ZW10: variants seen among roughly 807,000 people sequenced by gnomAD.
The protein encoded by ZW10 is centromere/kinetochore protein zw10 homolog.
Under a neutral mutation model 87.8 loss-of-function variants are expected in ZW10, and 53 were observed. The observed-to-expected ratio is 0.60, with a 90% confidence interval of 0.48 to 0.76. The LOEUF (loss-of-function observed/expected upper bound fraction) is 0.76. Among genes scored for constraint, ZW10 ranks in the 30% least tolerant of loss-of-function variants. The probability of loss-of-function intolerance (pLI) is 0.00; values close to 1 mark genes in which losing one functional copy is unlikely to be tolerated. For missense variants in ZW10, 837 were observed against 923.0 expected, an observed-to-expected ratio of 0.91 and a Z score of 1.21; for synonymous variants, 312 against 329.2, an observed-to-expected ratio of 0.95 and a Z score of 0.57.
At chr11:113,740,540 C>T (rs755862240) in intron 11 of ZW10, among the ~76,000 whole-genome samples, 72 of 152,284 alleles carry the variant, frequency 4.7e-4, no homozygotes, top group Non-Finnish European at 7.1e-4. Flanking sequence ...GCCATGATTG[C>T]ACCACTGCAC....
intron 3 of ZW10, 49 bp downstream of exon 3, chr11:113,760,768 G>A (rs1953850562): frequency 2.7e-6 from 4 of 1,460,492 alleles, no homozygotes; most frequent in South Asian, 1.1e-5. Context: ...ATTGACTAAT[G>A]AGACCTTCCC....
chr11:113,757,281 A>T (rs900989990), intron 7 of ZW10, among the ~76,000 whole-genome samples: 4 of 152,234 alleles, frequency 2.6e-5, no homozygotes, highest in Admixed American at 2.0e-4. Flanking sequence ...GTTATATCAG[A>T]TTAATAGAGG....
intron 10 of ZW10, among the ~76,000 whole-genome samples, chr11:113,743,008 A>C (rs2134870979): frequency 6.6e-6 from 1 of 152,308 alleles, no homozygotes; most frequent in African/African-American, 2.4e-5. Context: ...CAAACTAAAG[A>C]AGCTTTTATA....
chr11:113,736,510 G>C (rs1447166891), intron 15 of ZW10, 110 bp downstream of exon 15: 1 of 1,092,620 alleles, frequency 9.2e-7, no homozygotes, highest in Non-Finnish European at 1.4e-6. Context: ...CAATATGAAA[G>C]TCTTGCATGA....
chr11:113,736,068 C>T (rs1008961173), intron 15 of ZW10, among the ~76,000 whole-genome samples: 2 of 151,732 alleles, frequency 1.3e-5, no homozygotes, highest in Admixed American at 6.6e-5. Context: ...AGAGAAACCT[C>T]GTCTCTAAAA....
At chr11:113,761,192 T>C (rs116504528) in intron 2 of ZW10, among the ~76,000 whole-genome samples, 1,617 of 152,304 alleles carry the variant, frequency 0.011, 34 homozygotes, top group African/African-American at 0.038. Context: ...GTATCTTTCA[T>C]CAGAGAGCTC....
intron 8 of ZW10, among the ~76,000 whole-genome samples, chr11:113,748,025 T>C (rs11214717): frequency 0.037 from 5,631 of 152,304 alleles, 484 homozygotes; most frequent in East Asian, 0.33. Context: ...TTATAGCTGA[T>C]ATAAGTATAA....
At chr11:113,750,102 G>A (rs1953719724) in intron 7 of ZW10, among the ~76,000 whole-genome samples, 1 of 152,108 alleles carries the variant, frequency 6.6e-6, no homozygotes, top group Admixed American at 6.6e-5. Context: ...AAGAAAATAT[G>A]TACAAATTTT....
In ZW10 at chr11:113,736,711, G is replaced by C; in HGVS notation, c.2128C>G (p.Gln710Glu). 6.2e-7 allele frequency: 1 copy of C among 1,614,158 alleles called. No individual in the cohort carries two copies. The highest frequency in any genetic ancestry group is 8.5e-7 in the Non-Finnish European group (1 of 1,180,032). Residue 710 changes from glutamine (Q) to glutamate (E), a missense_variant, in exon 15 of 16, where the codon CAA (glutamine) becomes GAA (glutamate). Physicochemically the swap from Gln to Glu is conservative, Grantham distance 29. Transcript: ENST00000200135. ...LSEESKNKKY[Q>E]EEVPVYVPKW... ...GGCACATAGACTGGAACCTCTTCTT[G>C]ATATTTCTTGTTCTTGCTTTCTTCA...
At chr11:113,748,645 G>T (rs1370780490) in intron 7 of ZW10, among the ~76,000 whole-genome samples, 2 of 152,106 alleles carry the variant, frequency 1.3e-5, no homozygotes, top group Non-Finnish European at 2.9e-5. Context: ...TCTGTACTCT[G>T]TAACAATGAG....
intron 10 of ZW10, among the ~76,000 whole-genome samples, chr11:113,743,427 C>A (rs1393545850): frequency 6.6e-6 from 1 of 152,146 alleles, no homozygotes; most frequent in Non-Finnish European, 1.5e-5. Context: ...ATTCTAAGTT[C>A]TTTGCATGTG....
In ZW10 at chr11:113,744,017, A is replaced by C. The variant is rs199676424; in HGVS notation, c.1296T>G (p.Asn432Lys). The change falls in exon 10 of 16, where the codon AAT (asparagine) becomes AAG (lysine). Residue 432 changes from asparagine to lysine, a missense_variant. Coordinates refer to ENST00000200135, the MANE Select transcript of ZW10 (RefSeq NM_004724.4). ...CATCAGGAGTGGGTAACTCTGGCAC[A>C]TTTATCTTAGAATCAGGAATAATCT... ...TVKIIPDSKINVPELPTPDED... is the reference protein window; with the variant it reads ...TVKIIPDSKIKVPELPTPDED... 1.3e-4 allele frequency: 211 copies of C among 1,612,840 alleles called. No individual in the cohort carries two copies. Among genetic ancestry groups the C allele is most frequent in the Non-Finnish European group, 1.6e-4 (187 of 1,178,936 alleles).
chr11:113,739,172 G>A (rs749294510), intron 12 of ZW10, 41 bp downstream of exon 12: 2 of 1,601,328 alleles, frequency 1.2e-6, no homozygotes, highest in Non-Finnish European at 1.7e-6. Context: ...TTGACAAGCT[G>A]CATAATCCAT....
Position 113,760,849 on chromosome 11 carries a change from CTG to C in ZW10, c.308_309del (p.Ser103CysfsTer7). ...AACTGTTTAAGCAAACTTAGGACAA[CTG>C]AGTCTCTTTCCAACTGCTGCTTTAA... Reference protein sequence around the residue: ...TDLKQQLERDSVVLSLLKQLQ... With the variant: ...TDLKQQLERDXVVLSLLKQLQ... On this transcript the variant is annotated frameshift_variant, in exon 3 of 16. Transcript: ENST00000200135. LOFTEE classifies it high-confidence loss of function. 1 of 1,614,104 alleles carries C rather than the reference CTG, an allele frequency of 6.2e-7. No homozygotes were observed. The highest frequency in any genetic ancestry group is 8.5e-7 in the Non-Finnish European group (1 of 1,180,002).
intron 1 of ZW10, among the ~76,000 whole-genome samples, chr11:113,769,318 AG>A (rs756521873): frequency 3.3e-5 from 5 of 152,166 alleles, no homozygotes; most frequent in Non-Finnish European, 7.3e-5. Context: ...ATGCTGGAAA[AG>A]AGAAAAGGTG....
chr11:113,745,342 T>TC (rs1278607058), intron 9 of ZW10, among the ~76,000 whole-genome samples: 1 of 151,032 alleles, frequency 6.6e-6, no homozygotes, highest in East Asian at 1.9e-4. Flanking sequence ...GGCAGCAGGC[T>TC]CCCTACTCCC....
chr11:113,768,778 C>T lies in ZW10; in HGVS notation c.240+55G>A. ...TACACAATTAAGCTGTCTTAGCAAT[C>T]AGGAAGCTGAACCACCTCCCTACAA... On this transcript the variant is annotated intron_variant, in intron 2 of 15. Transcript: ENST00000200135. 4 of 1,586,494 alleles carry T rather than the reference C, an allele frequency of 2.5e-6. No individual in the cohort carries two copies. In the South Asian group the frequency reaches 4.6e-5, roughly 18 times the overall value.
Position 113,757,694 on chromosome 11 carries a change from A to C in ZW10, c.893T>G (p.Leu298Arg). 6.2e-7 allele frequency: 1 copy of C among 1,611,102 alleles called. No individual in the cohort carries two copies. Among genetic ancestry groups the C allele is most frequent in the Non-Finnish European group, 8.5e-7 (1 of 1,178,100 alleles). ...SPSEVFTKIR[L>R]VLEVLQKQLL... ...CTGTTTCTGGAGCACTTCTAGTACC[A>C]GTCTGATCTTTGTAAAAACTTCAGA... Residue 298 changes from leucine (L) to arginine (R), a missense_variant, in exon 7 of 16, where the codon CTG becomes CGG. Physicochemically the swap from Leu to Arg is moderately radical, Grantham distance 102. Coordinates refer to ENST00000200135, the MANE Select transcript of ZW10 (RefSeq NM_004724.4).
At chr11:113,751,074 T>C (rs1284385052) in intron 7 of ZW10, 2 of 181,714 alleles carry the variant, frequency 1.1e-5, no homozygotes, top group African/African-American at 4.7e-5. Context: ...CGTGGTTTTT[T>C]ATTAGGTAGA....
Sources: allele counts gnomAD v4.1 joint callset (sites outside exome capture counted in the v4.1 genomes callset), GRCh38; gene constraint gnomAD v4.1.1; transcripts MANE v1.5; gene names NCBI Gene and HGNC (gene_info 2026-07-23, HGNC 2026-07-21).